POLN: variants seen among roughly 807,000 people sequenced by gnomAD.
POLN encodes DNA polymerase nu.
POLN carries 108 observed loss-of-function variants against 113.5 expected under a neutral mutation model. The observed-to-expected ratio is 0.95, with a 90% CI of 0.81 to 1.12. The LOEUF (loss-of-function observed/expected upper bound fraction) is 1.12, where lower values mean the gene tolerates loss of function less well. Ranked by LOEUF, POLN falls within the 50% of genes most tolerant of loss-of-function variation. The pLI is 0.00. For synonymous variants in POLN, 386 were observed against 391.5 expected (o/e 0.99, Z 0.17); for missense variants, 1,097 against 1,077.1 (o/e 1.02, Z -0.26).
chr4:2,090,523 A>C, intron 20 of POLN: 1 of 502,782 alleles, frequency 2.0e-6, no homozygotes, highest in Non-Finnish European at 3.7e-6. Context: ...TGATAGCAAA[A>C]TACAAGAATC....
chr4:2,103,692 C>T (rs1039322486), intron 19 of POLN, among the ~76,000 whole-genome samples: 7 of 152,154 alleles, frequency 4.6e-5, no homozygotes, highest in African/African-American at 1.7e-4. Context: ...AAAGCAAATT[C>T]TAAAGTCCGC....
At chr4:2,200,000 T>C (rs1733672039) in intron 5 of POLN, among the ~76,000 whole-genome samples, 2 of 152,128 alleles carry the variant, frequency 1.3e-5, no homozygotes, top group Admixed American at 6.5e-5. Context: ...CACTGAAAAC[T>C]ATAAAACATT....
chr4:2,073,799 CCAG>C (rs1222856962), intron 24 of POLN, among the ~76,000 whole-genome samples: 2 of 152,250 alleles, frequency 1.3e-5, no homozygotes, highest in African/African-American at 4.8e-5. Context: ...CCTGCTGGCC[CCAG>C]CAGAGCGAGG....
At position 2,230,792 on chromosome 4, in the gene POLN, C is replaced by T. The variant is rs550033408; in HGVS notation, c.-12-1549G>A. 2.6e-5 allele frequency: 4 copies of T among 152,074 alleles called. No individual in the cohort carries two copies. The East Asian group carries it at 5.8e-4, about 22-fold the overall frequency. The allele number at this position is 152,074 out of a possible 1,614,324, so 9.4% of individuals were successfully genotyped here. On this transcript the variant is annotated intron_variant, in intron 2 of 25. Coordinates refer to ENST00000511885, the MANE Select transcript of POLN (RefSeq NM_181808.4). ...AGCTCACATGGTATTTACCACAGGC[C>T]ATGTATAAATTGGGCACTCAAGAAG...
At chr4:2,218,349 G>A (rs1734163458) in intron 3 of POLN, among the ~76,000 whole-genome samples, 1 of 151,978 alleles carries the variant, frequency 6.6e-6, no homozygotes, top group Non-Finnish European at 1.5e-5. Context: ...GGAGGCTGAG[G>A]CAGGAGAATC....
At chr4:2,159,263 A>G (rs779036433) in intron 13 of POLN, 52 bp from the exon 14 acceptor site, 4 of 1,418,996 alleles carry the variant, frequency 2.8e-6, no homozygotes, top group Non-Finnish European at 3.9e-6. Context: ...TTAACATTTT[A>G]AACACGTATT....
intron 8 of POLN, among the ~76,000 whole-genome samples, 194 bp from the exon 9 acceptor site, chr4:2,176,528 A>G (rs568940693): frequency 6.6e-6 from 1 of 152,206 alleles, no homozygotes; most frequent in Non-Finnish European, 1.5e-5. Context: ...AAGTGCTTCT[A>G]CTGCGCAAGT....
chr4:2,193,244 T>A lies in POLN; in HGVS notation c.981A>T (p.Ile327=). The stretch of plus-strand genomic sequence containing the variant: ...CATCATTGCCAAAAAACTGCAGCAC[T>A]ATTCTCACAAAATCCTTAGCATTAA... ...ICFNAKDFVR[I]VLQFFGNDGS... Residue 327 remains isoleucine (I), a synonymous_variant, in exon 7 of 26, where the codon ATA becomes ATT. Coordinates refer to ENST00000511885, the MANE Select transcript of POLN (RefSeq NM_181808.4). The A allele has an allele frequency of 6.2e-7, 1 of 1,610,788 alleles. No homozygotes were observed. The highest frequency in any genetic ancestry group is 1.1e-5 in the South Asian group (1 of 90,540).
At chr4:2,193,132 C>A in intron 7 of POLN, 72 bp downstream of exon 7, 1 of 1,181,554 alleles carries the variant, frequency 8.5e-7, no homozygotes, top group African/African-American at 1.7e-5. Context: ...GCTGCCCTCA[C>A]CATTCTCCCA....
intron 2 of POLN, chr4:2,239,044 C>G: frequency 2.0e-6 from 3 of 1,477,390 alleles, no homozygotes; most frequent in Non-Finnish European, 1.8e-6. Context: ...TGTCCACAGC[C>G]TATACAAAGA....
chr4:2,211,676 C>T (rs1057240487), intron 4 of POLN, among the ~76,000 whole-genome samples: 1 of 151,942 alleles, frequency 6.6e-6, no homozygotes, highest in African/African-American at 2.4e-5. Context: ...ACTTGGGAGG[C>T]TGAGTTGGGA....
intron 3 of POLN, among the ~76,000 whole-genome samples, chr4:2,226,148 A>G (rs942558076): frequency 3.3e-5 from 5 of 152,072 alleles, no homozygotes; most frequent in African/African-American, 1.2e-4. Context: ...AGGGTTGGAG[A>G]AGAATCATTT....
chr4:2,161,878 C>A (rs906699216), intron 13 of POLN, among the ~76,000 whole-genome samples: 1 of 152,172 alleles, frequency 6.6e-6, no homozygotes, highest in African/African-American at 2.4e-5. Flanking sequence ...CACCAATTGA[C>A]GCTCTGTATC....
intron 15 of POLN, among the ~76,000 whole-genome samples, 187 bp from the exon 16 acceptor site, chr4:2,157,040 G>C (rs1408065372): frequency 6.6e-6 from 1 of 152,224 alleles, no homozygotes; most frequent in Admixed American, 6.5e-5. Context: ...GATCAGGGAA[G>C]GCTGAAGAAG....
chr4:2,169,523 C>A (rs1732808525), intron 13 of POLN, among the ~76,000 whole-genome samples: 1 of 152,156 alleles, frequency 6.6e-6, no homozygotes, highest in African/African-American at 2.4e-5. Flanking sequence ...CTTTTGAGAG[C>A]TTTTACGTCT....
chr4:2,143,309 T>G (rs1336922746), intron 16 of POLN, among the ~76,000 whole-genome samples: 1 of 151,838 alleles, frequency 6.6e-6, no homozygotes, highest in Admixed American at 6.6e-5. Flanking sequence ...CTCAGTAGAT[T>G]GACAAAGAAA....
rs888972073 is a variant in POLN at position 2,235,938 on chromosome 4, G to GA, written c.-13+5581dup. Among the ~76,000 whole-genome samples, 28 of 149,542 alleles carry GA rather than the reference G, an allele frequency of 1.9e-4. 1 individual carries two copies. Among genetic ancestry groups the GA allele is most frequent in the African/African-American group, 2.7e-4 (11 of 40,950 alleles). ...CAATCCTGTGTTTGCTAAGATGAGTGAAAAAAAAATACAGAGGCGGTTTTA... is the reference window on the plus strand; with the variant it reads ...CAATCCTGTGTTTGCTAAGATGAGTGAAAAAAAAAATACAGAGGCGGTTTTA... On this transcript the variant is annotated intron_variant, in intron 2 of 25. Coordinates refer to ENST00000511885, the MANE Select transcript of POLN (RefSeq NM_181808.4).
chr4:2,085,460 C>G (rs35750087), intron 21 of POLN, among the ~76,000 whole-genome samples, 153 bp downstream of exon 21: 1 of 152,174 alleles, frequency 6.6e-6, no homozygotes, highest in African/African-American at 2.4e-5. Context: ...GAACCTTCAG[C>G]CTTATTTGTC....
chr4:2,216,603 C>T (rs1734118674), intron 3 of POLN, among the ~76,000 whole-genome samples: 1 of 152,186 alleles, frequency 6.6e-6, no homozygotes, highest in African/African-American at 2.4e-5. Flanking sequence ...TGCTGCAGTT[C>T]CTTGGCTGAG....
Sources: gnomAD v4.1 joint callset for allele counts (sites outside exome capture counted in the v4.1 genomes callset) on GRCh38, gnomAD v4.1.1 for gene constraint, MANE v1.5 for transcripts, NCBI Gene and HGNC (gene_info 2026-07-23, HGNC 2026-07-21) for gene names.